The following PKHD1 variants were observed in gnomAD, a reference collection of about 807,000 sequenced individuals.
PKHD1 encodes PKHD1 ciliary IPT domain containing fibrocystin/polyductin.
PKHD1 carries 291 observed loss-of-function variants against 412.0 expected under a neutral mutation model. That is an observed-to-expected ratio of 0.71 (90% CI 0.64 to 0.78). PKHD1 has a LOEUF of 0.78. PKHD1 is among the 30% of genes least tolerant of loss of function. The pLI is 0.00. For synonymous variants in PKHD1, 1,777 were observed against 1,821.5 expected (o/e 0.98, Z 0.62); for missense variants, 4,825 against 4,950.7 (o/e 0.97, Z 0.76).
chr6:51,748,031 T>C lies in PKHD1; in HGVS notation c.9585A>G (p.Lys3195=), dbSNP rs1417442108. The C allele has an allele frequency of 6.2e-7, 1 of 1,614,096 alleles. No homozygotes were observed. Among genetic ancestry groups the C allele is most frequent in the African/African-American group, 1.3e-5 (1 of 75,044 alleles). ...VFSAPQNSVK[K]VQIVLRNSVI... is the part of the protein sequence containing the mutation. ...CTGAATTCCTAAGCACAATCTGCAC[T>C]TTTTTGACGGAATTTTGTGGAGCAG... is the stretch of plus-strand genomic sequence containing the variant. The change falls in exon 58 of 67, where the codon AAA becomes AAG. Residue 3195 remains lysine (K), a synonymous_variant. Coordinates refer to ENST00000371117, the MANE Select transcript of PKHD1 (RefSeq NM_138694.4).
chr6:52,037,050 T>C (rs1453267637), intron 27 of PKHD1, among the ~76,000 whole-genome samples: 1 of 152,104 alleles, frequency 6.6e-6, no homozygotes, highest in African/African-American at 2.4e-5. Context: ...GTATCAACTA[T>C]GTGGTAAAAT....
At chr6:52,037,794 T>C (rs1237903070) in intron 27 of PKHD1, among the ~76,000 whole-genome samples, 3 of 152,238 alleles carry the variant, frequency 2.0e-5, no homozygotes, top group Non-Finnish European at 4.4e-5. Context: ...AAATTTTTAA[T>C]GCAAATAACC....
In PKHD1 at chr6:52,062,651, C is replaced by T; in HGVS notation, c.986G>A (p.Gly329Glu). ...AGCATCTCCAACTTCAAAAAGAAGC[C>T]CTCGATTGCCTGTAAGACATGTAGA... Reference protein sequence around the residue: ...RLTTPQPGNRGLLFEVGDAVE... With the variant: ...RLTTPQPGNRELLFEVGDAVE... The change falls in exon 14 of 67, where the codon GGG becomes GAG. Residue 329 changes from glycine to glutamate, a missense_variant. Physicochemically the swap from Gly to Glu is moderately conservative, Grantham distance 98. Transcript: ENST00000371117. The T allele has an allele frequency of 4.3e-6, 7 of 1,614,052 alleles. No homozygotes were observed. Among genetic ancestry groups the T allele is most frequent in the Non-Finnish European group, 5.9e-6 (7 of 1,179,962 alleles).
intron 61 of PKHD1, among the ~76,000 whole-genome samples, chr6:51,657,899 G>A (rs774217243): frequency 6.6e-6 from 1 of 152,010 alleles, no homozygotes; most frequent in Non-Finnish European, 1.5e-5. Context: ...GCTCAGTACT[G>A]TAAAATCTAA....
At chr6:51,665,460 A>G (rs1293838076) in intron 60 of PKHD1, among the ~76,000 whole-genome samples, 3 of 152,182 alleles carry the variant, frequency 2.0e-5, no homozygotes, top group Non-Finnish European at 4.4e-5. Flanking sequence ...AAAACCCCAC[A>G]AATTAAATAA....
chr6:51,771,142 T>C (rs1790035295), intron 55 of PKHD1, among the ~76,000 whole-genome samples: 1 of 152,086 alleles, frequency 6.6e-6, no homozygotes, highest in African/African-American at 2.4e-5. Flanking sequence ...TATAAATGTA[T>C]GTATATTAAT....
At chr6:51,847,206 C>T (rs1452632501) in intron 50 of PKHD1, among the ~76,000 whole-genome samples, 2 of 151,982 alleles carry the variant, frequency 1.3e-5, no homozygotes, top group East Asian at 1.9e-4. Context: ...ACTGATCCTC[C>T]CACCTTAGCC....
chr6:51,649,114 G>C lies in PKHD1; in HGVS notation c.11281C>G (p.Gln3761Glu). Residue 3761 changes from glutamine to glutamate, a missense_variant, in exon 62 of 67, where the codon CAG becomes GAG. Coordinates refer to ENST00000371117, the MANE Select transcript of PKHD1 (RefSeq NM_138694.4). ...DGEVGNELPV[Q>E]PQLVFLDEQN... is the part of the protein sequence containing the mutation. ...TCATCCAAAAATACCAATTGTGGCT[G>C]CACTGGAAGCTCATTTCCCACTTCT... 1 of 1,613,766 alleles carries C rather than the reference G, an allele frequency of 6.2e-7. No homozygotes were observed. The highest frequency in any genetic ancestry group is 8.5e-7 in the Non-Finnish European group (1 of 1,179,744).
intron 52 of PKHD1, among the ~76,000 whole-genome samples, chr6:51,803,833 A>G (rs1252885457): frequency 1.3e-5 from 2 of 151,362 alleles, no homozygotes; most frequent in East Asian, 3.9e-4. Context: ...CAGCTTCCCT[A>G]GTAGCTGGGA....
At chr6:51,728,064 T>TA (rs984978198) in intron 60 of PKHD1, among the ~76,000 whole-genome samples, 5 of 152,180 alleles carry the variant, frequency 3.3e-5, no homozygotes, top group Admixed American at 6.5e-5. Context: ...CACATTTATT[T>TA]ACCTAAATGC....
chr6:51,941,341 C>T (rs865836428), intron 36 of PKHD1, among the ~76,000 whole-genome samples: 1,687 of 147,076 alleles, frequency 0.011, 42 homozygotes, highest in African/African-American at 0.039. Context: ...CTGCAAGCTC[C>T]GCTTCCCGGG....
chr6:51,912,129 C>T (rs1489670284), intron 38 of PKHD1, among the ~76,000 whole-genome samples, 173 bp from the exon 39 acceptor site: 2 of 152,068 alleles, frequency 1.3e-5, no homozygotes, highest in East Asian at 3.9e-4. Context: ...AGAAACTATG[C>T]TGATCATTGC....
At chr6:52,032,957 A>C in intron 29 of PKHD1, 73 bp downstream of exon 29, 2 of 1,302,610 alleles carry the variant, frequency 1.5e-6, no homozygotes, top group Non-Finnish European at 2.2e-6. Context: ...TAAATTTCAG[A>C]GGACATTGAT....
In PKHD1 at chr6:51,911,397, C is replaced by G. The variant is rs575827577; in HGVS notation, c.6490+402G>C. Among the ~76,000 whole-genome samples, 9 of 152,200 alleles carry G rather than the reference C, an allele frequency of 5.9e-5. No individual in the cohort carries two copies. In the East Asian group the frequency reaches 1.7e-3, roughly 29 times the overall value. On this transcript the variant is annotated intron_variant, in intron 39 of 66. Transcript: ENST00000371117. Reference sequence around the variant, plus strand: ...AATCCCAAAATGGGGATGGGGGAGCCCTACAAGTCTAATCAGTAAGAATGT... The same window carrying G: ...AATCCCAAAATGGGGATGGGGGAGCGCTACAAGTCTAATCAGTAAGAATGT...
At chr6:51,998,237 A>AG (rs1797932158) in intron 35 of PKHD1, among the ~76,000 whole-genome samples, 1 of 151,974 alleles carries the variant, frequency 6.6e-6, no homozygotes, top group Admixed American at 6.6e-5. Context: ...AAAAAAAAAA[A>AG]GGCTAGAGAT....
At chr6:51,812,168 C>G (rs968235104) in intron 52 of PKHD1, among the ~76,000 whole-genome samples, 4 of 152,098 alleles carry the variant, frequency 2.6e-5, no homozygotes, top group African/African-American at 9.7e-5. Flanking sequence ...ATCCTCTAAG[C>G]TAGGGTTTTA....
chr6:51,998,245 G>C (rs1024552185), intron 35 of PKHD1, among the ~76,000 whole-genome samples: 2 of 151,658 alleles, frequency 1.3e-5, no homozygotes, highest in Admixed American at 1.3e-4. Context: ...AAAGGCTAGA[G>C]ATTTGAGCTC....
chr6:51,654,677 C>A (rs1054220159), intron 61 of PKHD1, among the ~76,000 whole-genome samples: 3 of 151,760 alleles, frequency 2.0e-5, no homozygotes, highest in East Asian at 1.9e-4. Context: ...CAATTAGCAT[C>A]CTTTTCACAG....
chr6:52,048,055 T>C (rs1581940419), intron 23 of PKHD1, among the ~76,000 whole-genome samples: 1 of 151,926 alleles, frequency 6.6e-6, no homozygotes, highest in Non-Finnish European at 1.5e-5. Flanking sequence ...GTGGTTGGAG[T>C]GATATGGCCA....
Sources: gnomAD v4.1 joint callset for allele counts (sites outside exome capture counted in the v4.1 genomes callset) on GRCh38, gnomAD v4.1.1 for gene constraint, MANE v1.5 for transcripts, NCBI Gene and HGNC (gene_info 2026-07-23, HGNC 2026-07-21) for gene names.